Variants in PSMC2 observed in about 807,000 individuals in gnomAD.
PSMC2 encodes the protein 26S proteasome regulatory subunit 7.
PSMC2 carries 7 observed loss-of-function variants against 53.3 expected under a neutral mutation model. That is an observed-to-expected ratio of 0.13 (90% CI 0.07 to 0.25). PSMC2 has a LOEUF of 0.25. PSMC2 is among the 10% of genes least tolerant of loss of function. PSMC2 has a pLI of 1.00. For synonymous variants in PSMC2, 169 were observed against 183.9 expected, an observed-to-expected ratio of 0.92 and a Z score of 0.66; for missense variants, 241 against 544.0, an observed-to-expected ratio of 0.44 and a Z score of 5.54.
intron 4 of PSMC2, among the ~76,000 whole-genome samples, chr7:103,360,523 A>T (rs1820320477): frequency 6.6e-6 from 1 of 152,180 alleles, no homozygotes; most frequent in Non-Finnish European, 1.5e-5. Flanking sequence ...CCTCCTCAGT[A>T]GCTGGGACTA....
At chr7:103,358,886 A>G (rs1013544818) in intron 4 of PSMC2, among the ~76,000 whole-genome samples, 1 of 152,126 alleles carries the variant, frequency 6.6e-6, no homozygotes, top group African/African-American at 2.4e-5. Flanking sequence ...CCTTAAAGAA[A>G]GCAAAGATTA....
At chr7:103,359,172 A>ATTTTTTTTTTTTTTTTTTTTTT (rs1586155184) in intron 4 of PSMC2, among the ~76,000 whole-genome samples, 2 of 58,386 alleles carry the variant, frequency 3.4e-5, no homozygotes, top group Non-Finnish European at 3.2e-5. Context: ...TTTTTTTTTA[A>ATTTTTTTTTTTTTTTTTTTTTT]TTTTTAGTAG....
chr7:103,355,644 T>C (rs771149027), intron 3 of PSMC2, 50 bp from the exon 4 acceptor site: 32 of 1,362,818 alleles, frequency 2.3e-5, no homozygotes, highest in Admixed American at 1.2e-4. Flanking sequence ...AAGCTTATTA[T>C]AGGGTGATGC....
intron 1 of PSMC2, among the ~76,000 whole-genome samples, chr7:103,349,660 G>A (rs1819685658): frequency 6.6e-6 from 1 of 152,098 alleles, no homozygotes; most frequent in East Asian, 1.9e-4. Context: ...ATGTTGGCCA[G>A]GCTGGTCTTG....
Position 103,362,891 on chromosome 7 carries a change from T to A in PSMC2, c.495+133T>A, listed in dbSNP as rs1301527444. On this transcript the variant is annotated intron_variant, in intron 6 of 11. Coordinates refer to ENST00000292644, the MANE Select transcript of PSMC2 (RefSeq NM_002803.4). ...TCACTGCAACCTCTGCCTCCCGGGT[T>A]CAAGCAATTCTCCTGCCTCAGCCTC... The A allele has an allele frequency of 6.1e-6, 4 of 653,294 alleles. No individual in the cohort carries two copies. In the African/African-American group the frequency reaches 7.4e-5, roughly 12 times the overall value. 40.5% of individuals were successfully genotyped at this position (653,294 alleles called of 1,614,324 possible).
At chr7:103,355,378 A>G (rs1216711799) in intron 3 of PSMC2, among the ~76,000 whole-genome samples, 1 of 152,186 alleles carries the variant, frequency 6.6e-6, no homozygotes, top group African/African-American at 2.4e-5. Flanking sequence ...GTGGCATTAT[A>G]TTTTTGGCTT....
chr7:103,354,595 A>G (rs1352274453), intron 2 of PSMC2, among the ~76,000 whole-genome samples: 1 of 151,830 alleles, frequency 6.6e-6, no homozygotes, highest in Admixed American at 6.6e-5. Context: ...GTCTTGAATT[A>G]TTGACCTCAG....
In PSMC2 at chr7:103,354,876, C is replaced by T. The variant is rs1158502968; in HGVS notation, c.117C>T (p.Ser39=). ...DIALLKTYGQ[S]TYSRQIKQVE... ...TGACCTTCATCACCTAGGGTCAGAG[C>T]ACTTACTCTAGGCAGATCAAGCAAG... Residue 39 remains serine, a synonymous_variant, in exon 3 of 12, where the codon AGC becomes AGT. Transcript: ENST00000292644. The T allele has an allele frequency of 1.2e-6, 2 of 1,611,440 alleles. No individual in the cohort carries two copies. Among genetic ancestry groups the T allele is most frequent in the South Asian group, 1.1e-5 (1 of 90,964 alleles).
At chr7:103,361,456 G>A (rs933488770) in intron 4 of PSMC2, among the ~76,000 whole-genome samples, 4 of 136,958 alleles carry the variant, frequency 2.9e-5, no homozygotes, top group East Asian at 4.4e-4. Flanking sequence ...GTTGCAGTGA[G>A]CCAAGATCAC....
At position 103,366,967 on chromosome 7, in the gene PSMC2, G is replaced by A. The variant is rs374636386; in HGVS notation, c.845-446G>A. On this transcript the variant is annotated intron_variant, in intron 9 of 11. Transcript: ENST00000292644. ...TTACAGATGCCTACCACCATGCCTG[G>A]CTAATTTTTGTATTTTTAGTAGAGA... Among the ~76,000 whole-genome samples, 14 of 152,168 alleles carry A rather than the reference G, an allele frequency of 9.2e-5. No individual in the cohort carries two copies. The East Asian group carries it at 1.7e-3, about 19-fold the overall frequency.
At chr7:103,359,305 G>T (rs1820239242) in intron 4 of PSMC2, among the ~76,000 whole-genome samples, 1 of 151,624 alleles carries the variant, frequency 6.6e-6, no homozygotes, top group Non-Finnish European at 1.5e-5. Flanking sequence ...GCCAGCTTAT[G>T]AATTTTTTTA....
At chr7:103,347,566 G>T, upstream of PSMC2, 1 of 843,954 alleles carries the variant, frequency 1.2e-6, no homozygotes, top group South Asian at 1.5e-5. Flanking sequence ...TTTCCCCAGG[G>T]CTCTGTCCGG....
At chr7:103,357,732 G>A (rs897659117) in intron 4 of PSMC2, among the ~76,000 whole-genome samples, 2 of 152,034 alleles carry the variant, frequency 1.3e-5, no homozygotes, top group Non-Finnish European at 2.9e-5. Flanking sequence ...TTCCTTTCTT[G>A]TACCACTTCT....
intron 1 of PSMC2, among the ~76,000 whole-genome samples, chr7:103,348,385 G>C (rs921866994): frequency 4.6e-5 from 7 of 151,960 alleles, no homozygotes; most frequent in African/African-American, 1.7e-4. Flanking sequence ...CACAAATGTA[G>C]CATGCTGTAC....
At chr7:103,352,986 TG>T in intron 1 of PSMC2, 1 of 779,906 alleles carries the variant, frequency 1.3e-6, no homozygotes, top group Non-Finnish European at 2.4e-6. Flanking sequence ...TTTACCACTC[TG>T]TCTATTTGCA....
intron 3 of PSMC2, 51 bp from the exon 4 acceptor site, chr7:103,355,643 A>G (rs769299088): frequency 1.5e-6 from 2 of 1,358,146 alleles, no homozygotes; most frequent in Non-Finnish European, 2.1e-6. Flanking sequence ...AAAGCTTATT[A>G]TAGGGTGATG....
intron 4 of PSMC2, among the ~76,000 whole-genome samples, chr7:103,357,480 T>C (rs1267404658): frequency 1.3e-5 from 2 of 152,216 alleles, no homozygotes; most frequent in African/African-American, 4.8e-5. Flanking sequence ...ATATCTTGTG[T>C]ATTATAGATT....
intron 1 of PSMC2, among the ~76,000 whole-genome samples, chr7:103,350,676 T>C (rs1819709227): frequency 6.6e-6 from 1 of 152,020 alleles, no homozygotes; most frequent in African/African-American, 2.4e-5. Flanking sequence ...ATTTTTTTTT[T>C]TTGTAGAGAC....
At chr7:103,356,341 T>C (rs1207414154) in intron 4 of PSMC2, among the ~76,000 whole-genome samples, 1 of 152,232 alleles carries the variant, frequency 6.6e-6, no homozygotes, top group Admixed American at 6.5e-5. Flanking sequence ...TGTTTCTCAG[T>C]GTATGTGCAT....
Sources: gnomAD v4.1 joint callset for allele counts (sites outside exome capture counted in the v4.1 genomes callset) on GRCh38, gnomAD v4.1.1 for gene constraint, MANE v1.5 for transcripts, NCBI Gene and HGNC (gene_info 2026-07-23, HGNC 2026-07-21) for gene names.